SAMD15: variants seen among roughly 807,000 people sequenced by gnomAD.
SAMD15 encodes sterile alpha motif domain-containing protein 15.
SAMD15 carries 37 observed loss-of-function variants against 50.5 expected under a neutral mutation model. That is an observed-to-expected ratio of 0.73 (90% CI 0.56 to 0.96). SAMD15 has a LOEUF of 0.96. Ranked by LOEUF, SAMD15 falls within the 40% of genes least tolerant of loss-of-function variation. SAMD15 has a pLI of 0.00. For missense variants in SAMD15, 789 were observed against 783.8 expected, an observed-to-expected ratio of 1.01 and a Z score of -0.08; for synonymous variants, 255 against 282.8, an observed-to-expected ratio of 0.90 and a Z score of 0.99.
intron 2 of SAMD15, among the ~76,000 whole-genome samples, chr14:77,390,230 C>T (rs1444400886): frequency 3.3e-5 from 5 of 151,600 alleles, no homozygotes; most frequent in East Asian, 4.0e-4. Context: ...TCCTGACTTC[C>T]GGTGATCTGC....
In SAMD15 at chr14:77,378,389, A is replaced by C. The variant is rs745538287; in HGVS notation, c.971A>C (p.Asn324Thr). The change falls in exon 1 of 3, where the codon AAC becomes ACC. Residue 324 changes from asparagine (N) to threonine (T), a missense_variant. Around this residue, in one of 2 missense-constraint regions of SAMD15, gnomAD observed 770 missense variants for 745.4 expected, o/e 1.03. Transcript: ENST00000216471. ...AAGCCAAGAAAGTCTACTGATGAGA[A>C]CGTTCCTGAGCCACTAGAAGAGATC... ...DHKPRKSTDENVPEPLEEIKL... is the reference protein window; with the variant it reads ...DHKPRKSTDETVPEPLEEIKL... 2.3e-5 allele frequency: 37 copies of C among 1,613,856 alleles called. No individual in the cohort carries two copies. The highest frequency in any genetic ancestry group is 3.1e-5 in the Non-Finnish European group (36 of 1,180,002).
rs752639399 is a variant in SAMD15, at chr14:77,378,968, C to T, written c.1550C>T (p.Ser517Phe). 6.2e-7 allele frequency: 1 copy of T among 1,614,074 alleles called. No individual in the cohort carries two copies. Among genetic ancestry groups the T allele is most frequent in the Non-Finnish European group, 8.5e-7 (1 of 1,180,006 alleles). Residue 517 changes from serine (S) to phenylalanine (F), a missense_variant, in exon 1 of 3, where the codon TCC becomes TTC. Coordinates refer to ENST00000216471, the MANE Select transcript of SAMD15 (RefSeq NM_001010860.4). The stretch of plus-strand genomic sequence containing the variant: ...CATGAAAAGGAAGTTGTAGATTTGT[C>T]CCAAGAGTTGAAGGAACGGGTCTCT... ...FVHEKEVVDL[S>F]QELKERVSED...
chr14:77,391,063 G>A lies in SAMD15; in HGVS notation c.1844G>A (p.Arg615His), dbSNP rs1484361962. The A allele has an allele frequency of 4.3e-6, 7 of 1,613,944 alleles. No homozygotes were observed. In the South Asian group the frequency reaches 4.4e-5, roughly 10 times the overall value. Residue 615 changes from arginine to histidine, a missense_variant, in exon 3 of 3, where the codon CGC becomes CAC. Transcript: ENST00000216471. ...LLEIEEPLFK[R>H]SISLPYRDII... ...GAAATTGAAGAGCCATTATTCAAAC[G>A]CTCCATCAGCCTTCCCTATAGGGAT... is the stretch of plus-strand genomic sequence containing the variant.
At chr14:77,390,002 A>T (rs1894052700) in intron 2 of SAMD15, among the ~76,000 whole-genome samples, 1 of 148,620 alleles carries the variant, frequency 6.7e-6, no homozygotes, top group Non-Finnish European at 1.5e-5. Flanking sequence ...ATTTGTTATG[A>T]TTTTTTTTTT....
intron 2 of SAMD15, among the ~76,000 whole-genome samples, chr14:77,385,847 AT>A (rs370327770): frequency 3.7e-3 from 484 of 131,000 alleles, no homozygotes; most frequent in Middle Eastern, 7.9e-3. Flanking sequence ...AACATCCTGG[AT>A]TTTTTTTTTT....
rs1893932982 is a variant in SAMD15 at position 77,380,586 on chromosome 14, G to T, written c.1788+105G>T. The stretch of plus-strand genomic sequence containing the variant: ...AGCCTGGCCTCCCACTTCTGTCAAT[G>T]GTGTCATCATAATTCCAGTTCCTCA... On this transcript the variant is annotated intron_variant, in intron 2 of 2. Transcript: ENST00000216471. The T allele has an allele frequency of 2.8e-5, 20 of 706,260 alleles. No homozygotes were observed. The South Asian group carries it at 2.9e-4, about 10-fold the overall frequency. 43.7% of individuals were successfully genotyped at this position (706,260 alleles called of 1,614,324 possible).
intron 2 of SAMD15, among the ~76,000 whole-genome samples, chr14:77,382,786 GCT>G (rs1893959861): frequency 6.6e-6 from 1 of 152,074 alleles, no homozygotes; most frequent in Non-Finnish European, 1.5e-5. Flanking sequence ...CTCGATTTCA[GCT>G]CACGGCAACC....
At chr14:77,390,125 A>C (rs1894054282) in intron 2 of SAMD15, among the ~76,000 whole-genome samples, 1 of 151,658 alleles carries the variant, frequency 6.6e-6, no homozygotes, top group African/African-American at 2.4e-5. Flanking sequence ...TCTCCTGGGT[A>C]GCTGGGATCA....
At chr14:77,380,527 C>A in intron 2 of SAMD15, 46 bp downstream of exon 2, 1 of 1,301,780 alleles carries the variant, frequency 7.7e-7, no homozygotes, top group South Asian at 1.2e-5. Context: ...TTAACAGTGC[C>A]ACCATCTGTC....
chr14:77,390,234 G>T (rs10143629), intron 2 of SAMD15, among the ~76,000 whole-genome samples: 44,624 of 151,866 alleles, frequency 0.29, 7,211 homozygotes, highest in African/African-American at 0.42. Flanking sequence ...GACTTCCGGT[G>T]ATCTGCCCGC....
chr14:77,387,859 G>T (rs1167266952), intron 2 of SAMD15, among the ~76,000 whole-genome samples: 1 of 152,022 alleles, frequency 6.6e-6, no homozygotes, highest in Non-Finnish European at 1.5e-5. Flanking sequence ...GAGACCAGCT[G>T]GGGAACATGG....
chr14:77,380,367 C>A lies in SAMD15; in HGVS notation c.1690-16C>A. ...TGCAGTACATTTTTTAAGTGATGTCCTTGTTGTATTGACAGGAGTGTTTTA... is the reference window on the plus strand; with the variant it reads ...TGCAGTACATTTTTTAAGTGATGTCATTGTTGTATTGACAGGAGTGTTTTA... On this transcript the variant is annotated splice_polypyrimidine_tract_variant and intron_variant, in intron 1 of 2. Coordinates refer to ENST00000216471, the MANE Select transcript of SAMD15 (RefSeq NM_001010860.4). 6.5e-7 allele frequency: 1 copy of A among 1,545,620 alleles called. No individual in the cohort carries two copies.
At chr14:77,379,172 C>T (rs779466809) in intron 1 of SAMD15, 65 bp downstream of exon 1, 3 of 1,473,652 alleles carry the variant, frequency 2.0e-6, no homozygotes, top group Non-Finnish European at 2.8e-6. Flanking sequence ...TTCCTTCTAA[C>T]TTGGCCTGAG....
chr14:77,378,892 T>A lies in SAMD15; in HGVS notation c.1474T>A (p.Cys492Ser). The change falls in exon 1 of 3, where the codon TGC becomes AGC. Residue 492 changes from cysteine (C) to serine (S), a missense_variant. Coordinates refer to ENST00000216471, the MANE Select transcript of SAMD15 (RefSeq NM_001010860.4). ...AAAATTGCTTAATGTCAGTGAAGAA[T>A]GCTCATACTCAGATCCCTCAGAGTC... The part of the protein sequence containing the change: ...LQKLLNVSEE[C>S]SYSDPSESQT... The A allele has an allele frequency of 2.5e-6, 4 of 1,613,974 alleles. No individual in the cohort carries two copies. In the East Asian group the frequency reaches 8.9e-5, roughly 36 times the overall value.
chr14:77,379,390 CTT>C (rs201999364), intron 1 of SAMD15, among the ~76,000 whole-genome samples: 2 of 146,010 alleles, frequency 1.4e-5, no homozygotes, highest in Admixed American at 6.8e-5. Context: ...GACCTCCTTT[CTT>C]TTTTTTTTTT....
In SAMD15 at chr14:77,380,453, T is replaced by C; in HGVS notation, c.1760T>C (p.Met587Thr). 4 of 1,613,696 alleles carry C rather than the reference T, an allele frequency of 2.5e-6. No homozygotes were observed. The highest frequency in any genetic ancestry group is 2.2e-5 in the East Asian group (1 of 44,866). Residue 587 changes from methionine (M) to threonine (T), a missense_variant, in exon 2 of 3, where the codon ATG becomes ACG. Around this residue, in one of 2 missense-constraint regions of SAMD15, gnomAD observed 770 missense variants for 745.4 expected, o/e 1.03. Transcript: ENST00000216471. ...GTCAACTGCTCAAACCTCCCTCAGA[T>C]GGGGATAACAAACTTTGAGGACATG... ...IHVNCSNLPQMGITNFEDMKA... is the reference protein window; with the variant it reads ...IHVNCSNLPQTGITNFEDMKA...
rs1893873496 is a variant in SAMD15, at chr14:77,378,032, G to A, written c.614G>A (p.Gly205Asp). Residue 205 changes from glycine (G) to aspartate (D), a missense_variant, in exon 1 of 3, where the codon GGT becomes GAT. Gly to Asp is a moderately conservative substitution (Grantham distance 94). Coordinates refer to ENST00000216471, the MANE Select transcript of SAMD15 (RefSeq NM_001010860.4). ...CTTAGAGTGCAACATGAAGAGACAG[G>A]TCTAGAGCCTCCAGAGCAGACCAAA... ...ESLRVQHEETGLEPPEQTKQD... is the reference protein window; with the variant it reads ...ESLRVQHEETDLEPPEQTKQD... 2.5e-6 allele frequency: 4 copies of A among 1,613,950 alleles called. No homozygotes were observed. Among genetic ancestry groups the A allele is most frequent in the Non-Finnish European group, 3.4e-6 (4 of 1,180,032 alleles).
chr14:77,386,585 T>C (rs992779102), intron 2 of SAMD15, among the ~76,000 whole-genome samples: 2 of 152,110 alleles, frequency 1.3e-5, no homozygotes, highest in African/African-American at 4.8e-5. Context: ...GAGGCTGCAG[T>C]GAGCTATGGT....
chr14:77,377,428 G>A lies in SAMD15; in HGVS notation c.10G>A (p.Val4Ile). ...GTCTGCTAAGCTGCAAATGGCTGAAGTCCCGGAGGATTATGATTCCGGCCC... is the reference window on the plus strand; with the variant it reads ...GTCTGCTAAGCTGCAAATGGCTGAAATCCCGGAGGATTATGATTCCGGCCC... MAE[V>I]PEDYDSGPDE... The change falls in exon 1 of 3, where the codon GTC becomes ATC. Residue 4 changes from valine (V) to isoleucine (I), a missense_variant. Physicochemically the swap from Val to Ile is conservative, Grantham distance 29. This residue lies in a region of SAMD15 where 770 missense variants were observed against 745.4 expected (regional missense o/e 1.03). Transcript: ENST00000216471. 6.2e-7 allele frequency: 1 copy of A among 1,608,078 alleles called. No individual in the cohort carries two copies. The highest frequency in any genetic ancestry group is 8.5e-7 in the Non-Finnish European group (1 of 1,177,192).
Sources: gnomAD v4.1 joint callset for allele counts (sites outside exome capture counted in the v4.1 genomes callset) on GRCh38, gnomAD v4.1.1 for gene constraint, gnomAD v4.1.1 regional missense constraint, MANE v1.5 for transcripts, NCBI Gene and HGNC (gene_info 2026-07-23, HGNC 2026-07-21) for gene names.